The following ARL5B variants were observed in gnomAD, a reference collection of about 807,000 sequenced individuals.
ARL5B encodes the protein ARF like GTPase 5B, also known as ADP-ribosylation factor-like protein 5B.
A neutral mutation model predicts 26.9 loss-of-function variants in ARL5B; 10 were observed. The observed-to-expected ratio is 0.37, with a 90% CI of 0.23 to 0.63. ARL5B has a LOEUF of 0.63. Among genes scored for constraint, ARL5B ranks in the 30% least tolerant of loss-of-function variants. The pLI is 0.62. For missense variants in ARL5B, 167 were observed against 213.9 expected (o/e 0.78, Z 1.37); for synonymous variants, 87 against 70.4 (o/e 1.24, Z -1.18).
intron 1 of ARL5B, among the ~76,000 whole-genome samples, chr10:18,664,123 T>G (rs1344581286): frequency 6.6e-6 from 1 of 151,668 alleles, no homozygotes; most frequent in Non-Finnish European, 1.5e-5. Context: ...CCGGCTAAGT[T>G]TTGTATTTTT....
At chr10:18,666,295 C>G (rs1644723573) in intron 1 of ARL5B, among the ~76,000 whole-genome samples, 1 of 152,184 alleles carries the variant, frequency 6.6e-6, no homozygotes. Context: ...TCTCCTCTCC[C>G]CTAGATGCAA....
intron 4 of ARL5B, 140 bp from the exon 5 acceptor site, chr10:18,673,844 T>G: frequency 1.7e-6 from 1 of 597,922 alleles, no homozygotes; most frequent in Non-Finnish European, 2.5e-6. Context: ...ATAATGAAAT[T>G]ACGGGTATTT....
At chr10:18,661,593 A>C (rs1228622785) in intron 1 of ARL5B, among the ~76,000 whole-genome samples, 1 of 152,240 alleles carries the variant, frequency 6.6e-6, no homozygotes, top group Non-Finnish European at 1.5e-5. Flanking sequence ...TACAAAATTA[A>C]AGAATAAAGA....
Position 18,668,882 on chromosome 10 carries a change from G to T in ARL5B, c.255+205G>T, listed in dbSNP as rs144325371. Reference sequence around the variant, plus strand: ...CCTGCTGAGTTCAAGCCATTCTCCTGCCTCAGCCTCCCAAATAGCAGGAAT... The same window carrying T: ...CCTGCTGAGTTCAAGCCATTCTCCTTCCTCAGCCTCCCAAATAGCAGGAAT... On this transcript the variant is annotated intron_variant, in intron 3 of 5. Transcript: ENST00000377275. Among the ~76,000 whole-genome samples the T allele has an allele frequency of 8.3e-3, 1,255 of 150,738 alleles. 14 individuals carry two copies. The highest frequency in any genetic ancestry group is 0.033 in the South Asian group (158 of 4,768).
At chr10:18,659,733 C>T in intron 1 of ARL5B, 50 bp downstream of exon 1, 1 of 1,596,332 alleles carries the variant, frequency 6.3e-7, no homozygotes, top group Non-Finnish European at 8.5e-7. Flanking sequence ...CAGAGGGTCC[C>T]GCCGCCGATG....
chr10:18,659,490 C>G lies in ARL5B; in HGVS notation c.-148C>G, dbSNP rs1408384727. 1.9e-6 allele frequency: 2 copies of G among 1,032,910 alleles called. No homozygotes were observed. Among genetic ancestry groups the G allele is most frequent in the Non-Finnish European group, 2.7e-6 (2 of 748,486 alleles). 64.0% of individuals were successfully genotyped at this position (1,032,910 alleles called of 1,614,324 possible). ...TTCGTCGCGGCGCCTTCTGAGTGGTCGGGTCGAGGCTTCTCGGCCTAGCAG... is the reference window on the plus strand; with the variant it reads ...TTCGTCGCGGCGCCTTCTGAGTGGTGGGGTCGAGGCTTCTCGGCCTAGCAG... On this transcript the variant is annotated 5_prime_UTR_variant, in exon 1 of 6. Coordinates refer to ENST00000377275, the MANE Select transcript of ARL5B (RefSeq NM_178815.5).
Position 18,659,495 on chromosome 10 carries a change from C to G in ARL5B, c.-143C>G, listed in dbSNP as rs867463251. On this transcript the variant is annotated 5_prime_UTR_variant, in exon 1 of 6. Coordinates refer to ENST00000377275, the MANE Select transcript of ARL5B (RefSeq NM_178815.5). ...CGCGGCGCCTTCTGAGTGGTCGGGT[C>G]GAGGCTTCTCGGCCTAGCAGTGCCC... is the stretch of plus-strand genomic sequence containing the variant. The G allele has an allele frequency of 7.6e-5, 83 of 1,092,532 alleles. No homozygotes were observed. The African/African-American group carries it at 9.6e-4, about 13-fold the overall frequency. 67.7% of individuals were successfully genotyped at this position (1,092,532 alleles called of 1,614,324 possible). A position where few individuals can be genotyped will look rare whatever the true frequency, so the allele number is the denominator to read the frequency against.
rs189044684 is a variant in ARL5B at position 18,676,454 on chromosome 10, T to C, written c.*1238T>C. ...AGTCATAATCTATCAAAAGTTTATT[T>C]ATTGGATGGCATTAAAACATTTTTG... On this transcript the variant is annotated 3_prime_UTR_variant, in exon 6 of 6. Coordinates refer to ENST00000377275, the MANE Select transcript of ARL5B (RefSeq NM_178815.5). 41 of 152,066 alleles carry C rather than the reference T, an allele frequency of 2.7e-4. No individual in the cohort carries two copies. Among genetic ancestry groups the C allele is most frequent in the Non-Finnish European group, 4.9e-4 (33 of 67,872 alleles). The allele number at this position is 152,066 out of a possible 1,614,324, so 9.4% of individuals were successfully genotyped here. A position where few individuals can be genotyped will look rare whatever the true frequency, so the allele number is the denominator to read the frequency against.
chr10:18,664,184 C>A lies in ARL5B; in HGVS notation c.47-2391C>A, dbSNP rs184723728. On this transcript the variant is annotated intron_variant, in intron 1 of 5. Transcript: ENST00000377275. ...AGCCAGGTTGGTCTTGAACTCCTGA[C>A]CTTGTGGTCTGCCCACCTCAGCCTA... is the stretch of plus-strand genomic sequence containing the variant. 2.0e-3 allele frequency among the ~76,000 whole-genome samples: 298 copies of A among 152,004 alleles called. 2 individuals are homozygous for A. Among genetic ancestry groups the A allele is most frequent in the Middle Eastern group, 6.8e-3 (2 of 292 alleles).
intron 1 of ARL5B, among the ~76,000 whole-genome samples, chr10:18,662,435 G>T (rs575626277): frequency 6.6e-6 from 1 of 152,014 alleles, no homozygotes; most frequent in Non-Finnish European, 1.5e-5. Flanking sequence ...GTTAATTCCT[G>T]CAATTTTGTA....
intron 2 of ARL5B, among the ~76,000 whole-genome samples, chr10:18,668,109 T>C (rs949828356): frequency 2.0e-5 from 3 of 152,196 alleles, no homozygotes; most frequent in Non-Finnish European, 2.9e-5. Flanking sequence ...TAAGTCTCAA[T>C]TTAGACAGTC....
chr10:18,661,551 A>G (rs1189384846), intron 1 of ARL5B, among the ~76,000 whole-genome samples: 2 of 152,234 alleles, frequency 1.3e-5, no homozygotes, highest in Non-Finnish European at 2.9e-5. Context: ...TCATACAGCC[A>G]TAGGCCAGTC....
chr10:18,661,920 A>T (rs1413242460), intron 1 of ARL5B, among the ~76,000 whole-genome samples: 1 of 152,172 alleles, frequency 6.6e-6, no homozygotes, highest in Admixed American at 6.6e-5. Flanking sequence ...AGTGAAGAGG[A>T]GATGAGATTG....
chr10:18,673,610 C>T (rs941976149), intron 4 of ARL5B, among the ~76,000 whole-genome samples: 4 of 151,990 alleles, frequency 2.6e-5, no homozygotes, highest in African/African-American at 9.7e-5. Flanking sequence ...TTATGTTATA[C>T]AAAGACTAGT....
chr10:18,666,708 C>G (rs1345253123), intron 2 of ARL5B, 73 bp downstream of exon 2: 1 of 1,245,500 alleles, frequency 8.0e-7, no homozygotes, highest in Admixed American at 2.5e-5. Context: ...ATAAGAGATG[C>G]ATTATAATAA....
intron 1 of ARL5B, among the ~76,000 whole-genome samples, chr10:18,664,315 A>G (rs1466342479): frequency 6.6e-6 from 1 of 151,738 alleles, no homozygotes; most frequent in Non-Finnish European, 1.5e-5. Context: ...TCAAACTCCT[A>G]GATTTAACTG....
rs529124420 is a variant in ARL5B, at chr10:18,664,478, C to G, written c.47-2097C>G. ...TTTGAGATGGAGTCTCGCTCTGTTG[C>G]CCAGGCTGGAGCACAGTGACCCGAT... On this transcript the variant is annotated intron_variant, in intron 1 of 5. Coordinates refer to ENST00000377275, the MANE Select transcript of ARL5B (RefSeq NM_178815.5). Among the ~76,000 whole-genome samples the G allele has an allele frequency of 2.5e-5, 3 of 118,810 alleles. No homozygotes were observed. In the South Asian group the frequency reaches 8.6e-4, roughly 34 times the overall value. The allele number at this position is 118,810 out of a possible 152,430, so 77.9% of individuals were successfully genotyped here. A position where few individuals can be genotyped will look rare whatever the true frequency, so the allele number is the denominator to read the frequency against.
Position 18,675,243 on chromosome 10 carries a change from A to G in ARL5B, c.*27A>G, listed in dbSNP as rs766235830. 9 of 1,606,784 alleles carry G rather than the reference A, an allele frequency of 5.6e-6. No individual in the cohort carries two copies. Among genetic ancestry groups the G allele is most frequent in the African/African-American group, 2.7e-5 (2 of 74,754 alleles). On this transcript the variant is annotated 3_prime_UTR_variant, in exon 6 of 6. Transcript: ENST00000377275. ...TTTTTTGCTTGAAAGAGACTGCTCT[A>G]TTTATTCTGTGACATGAACATTTTT...
Position 18,672,683 on chromosome 10 carries a change from T to TTTGGCTC in ARL5B, c.317_318insTTGGCTC (p.Leu106PhefsTer10). The TTTGGCTC allele has an allele frequency of 6.2e-7, 1 of 1,609,892 alleles. No homozygotes were observed. The highest frequency in any genetic ancestry group is 2.2e-5 in the East Asian group (1 of 44,660). ...CGACTAGCTATTACAAAAGAAGAATTATACAGAATGTTGGCTCATGAGGTA... is the reference window on the plus strand; with the variant it reads ...CGACTAGCTATTACAAAAGAAGAATTTTGGCTCATACAGAATGTTGGCTCATGAGGTA... On this transcript the variant is annotated frameshift_variant, in exon 4 of 6. Transcript: ENST00000377275. LOFTEE classifies it high-confidence loss of function.
Sources: allele counts gnomAD v4.1 joint callset (sites outside exome capture counted in the v4.1 genomes callset), GRCh38; gene constraint gnomAD v4.1.1; transcripts MANE v1.5; gene names NCBI Gene and HGNC (gene_info 2026-07-23, HGNC 2026-07-21).